HTR1F: variants seen among roughly 807,000 people sequenced by gnomAD.
HTR1F encodes the protein 5-hydroxytryptamine receptor 1F.
A neutral mutation model predicts 24.0 loss-of-function variants in HTR1F; 17 were observed. The ratio of observed to expected loss-of-function variants is 0.71; its 90% CI spans 0.48 to 1.06. The LOEUF is 1.06. Among genes scored for constraint, HTR1F ranks in the 50% least tolerant of loss-of-function variants. The probability of loss-of-function intolerance (pLI) is 0.00; values close to 1 mark genes in which losing one functional copy is unlikely to be tolerated. For missense variants in HTR1F, 391 were observed against 427.8 expected (o/e 0.91, Z 0.76); for synonymous variants, 186 against 156.8 (o/e 1.19, Z -1.39).
chr3:87,973,006 A>C (rs1705318066), intron 2 of HTR1F, among the ~76,000 whole-genome samples: 1 of 6,360 alleles, frequency 1.6e-4, no homozygotes, highest in South Asian at 0.016. Flanking sequence ...ACTAAAATAC[A>C]AAAAAAAAAA....
intron 1 of HTR1F, among the ~76,000 whole-genome samples, chr3:87,818,932 T>C (rs755083383): frequency 6.6e-6 from 1 of 152,188 alleles, no homozygotes; most frequent in Non-Finnish European, 1.5e-5. Context: ...TAGCACCTTA[T>C]TGCTGGTTTA....
At chr3:87,981,977 G>C (rs1195029535) in intron 2 of HTR1F, among the ~76,000 whole-genome samples, 1 of 151,534 alleles carries the variant, frequency 6.6e-6, no homozygotes, top group African/African-American at 2.4e-5. Flanking sequence ...CTGTCACCCA[G>C]GCTAGAGTTC....
At chr3:87,812,357 G>T (rs1281158900) in intron 1 of HTR1F, among the ~76,000 whole-genome samples, 2 of 152,166 alleles carry the variant, frequency 1.3e-5, no homozygotes, top group Non-Finnish European at 2.9e-5. Context: ...AGATGGAGAT[G>T]AGGAACTTCT....
intron 2 of HTR1F, among the ~76,000 whole-genome samples, chr3:87,833,179 CA>C (rs11311898): frequency 0.23 from 35,390 of 151,806 alleles, 6,203 homozygotes; most frequent in African/African-American, 0.5. Flanking sequence ...TTTCCACTGG[CA>C]GACTCTGCTT....
At chr3:87,836,389 C>T (rs1215941833) in intron 2 of HTR1F, among the ~76,000 whole-genome samples, 1 of 151,968 alleles carries the variant, frequency 6.6e-6, no homozygotes, top group Non-Finnish European at 1.5e-5. Flanking sequence ...ATAATGTGTC[C>T]TAGTAAACAA....
At chr3:87,829,992 T>C (rs1300200949) in intron 2 of HTR1F, among the ~76,000 whole-genome samples, 1 of 152,222 alleles carries the variant, frequency 6.6e-6, no homozygotes, top group Non-Finnish European at 1.5e-5. Context: ...GTGTGATGTA[T>C]ACAATAGTAT....
intron 2 of HTR1F, among the ~76,000 whole-genome samples, chr3:87,832,206 A>G (rs1343921261): frequency 6.6e-6 from 1 of 152,140 alleles, no homozygotes; most frequent in Non-Finnish European, 1.5e-5. Context: ...GGCAAAGAGA[A>G]TTTATAAAAG....
chr3:87,871,471 G>T (rs1230416062), intron 2 of HTR1F, among the ~76,000 whole-genome samples: 2 of 152,066 alleles, frequency 1.3e-5, no homozygotes, highest in Non-Finnish European at 2.9e-5. Context: ...AAGAGAAAGA[G>T]AAAGGGTACA....
chr3:87,979,109 G>T (rs13062190), intron 2 of HTR1F, among the ~76,000 whole-genome samples: 1 of 15,084 alleles, frequency 6.6e-5, no homozygotes, highest in African/African-American at 2.4e-4. Context: ...GGAAGGAAGG[G>T]AGGAAGGAAG....
intron 1 of HTR1F, among the ~76,000 whole-genome samples, chr3:87,810,771 A>G (rs1704146677): frequency 6.6e-6 from 1 of 152,162 alleles, no homozygotes; most frequent in Non-Finnish European, 1.5e-5. Flanking sequence ...TAGATGAGGA[A>G]CTACATGCAA....
intron 2 of HTR1F, among the ~76,000 whole-genome samples, chr3:87,967,065 G>A (rs550032593): frequency 2.6e-5 from 4 of 152,142 alleles, no homozygotes; most frequent in South Asian, 2.1e-4. Flanking sequence ...TGAAAATATT[G>A]TCTATCCTAA....
At chr3:87,985,997 G>A (rs1242159462) in intron 2 of HTR1F, among the ~76,000 whole-genome samples, 1 of 152,218 alleles carries the variant, frequency 6.6e-6, no homozygotes, top group African/African-American at 2.4e-5. Flanking sequence ...CAAGAAGGCT[G>A]TATATAACAC....
intron 2 of HTR1F, among the ~76,000 whole-genome samples, chr3:87,902,253 A>G (rs1706340242): frequency 6.6e-6 from 1 of 152,142 alleles, no homozygotes; most frequent in South Asian, 2.1e-4. Context: ...AGACCCTAAA[A>G]AGATACTCAC....
At chr3:87,891,279 A>T (rs1250583397) in intron 2 of HTR1F, among the ~76,000 whole-genome samples, 1 of 150,646 alleles carries the variant, frequency 6.6e-6, no homozygotes, top group Non-Finnish European at 1.5e-5. Flanking sequence ...AATACATATA[A>T]ATTGAGTGTT....
chr3:87,870,651 C>G (rs1244156126), intron 2 of HTR1F, among the ~76,000 whole-genome samples: 2 of 152,004 alleles, frequency 1.3e-5, no homozygotes, highest in Non-Finnish European at 2.9e-5. Context: ...TCTGTCTCAC[C>G]TGACTCAGAG....
At chr3:87,950,839 G>C (rs1202104030) in intron 2 of HTR1F, among the ~76,000 whole-genome samples, 2 of 152,144 alleles carry the variant, frequency 1.3e-5, no homozygotes, top group African/African-American at 2.4e-5. Flanking sequence ...TAAGAACACT[G>C]TCTGAATTAA....
rs1705524500 is a variant in HTR1F, at chr3:87,870,189, T to C, written c.-43+48065T>C. Among the ~76,000 whole-genome samples the C allele has an allele frequency of 2.0e-5, 3 of 152,066 alleles. No individual in the cohort carries two copies. In the South Asian group the frequency reaches 6.2e-4, roughly 31 times the overall value. ...GAGTTTTCTATAATTATTTTAGTAATAAAAGTGAGGTCTGTATTCCAAGTA... is the reference window on the plus strand; with the variant it reads ...GAGTTTTCTATAATTATTTTAGTAACAAAAGTGAGGTCTGTATTCCAAGTA... On this transcript the variant is annotated intron_variant, in intron 2 of 2. Transcript: ENST00000319595.
intron 2 of HTR1F, among the ~76,000 whole-genome samples, chr3:87,936,996 C>CA (rs1006334313): frequency 9.7e-4 from 139 of 143,982 alleles, no homozygotes; most frequent in African/African-American, 3.6e-3. Flanking sequence ...GCCTACCAAC[C>CA]AAAAAAATCC....
chr3:87,919,527 G>GA (rs775864198), intron 2 of HTR1F, among the ~76,000 whole-genome samples: 72 of 149,970 alleles, frequency 4.8e-4, no homozygotes, highest in Non-Finnish European at 7.6e-4. Context: ...AAATCAGCAA[G>GA]AAAAAAAAAT....
Sources: allele counts gnomAD v4.1 joint callset (sites outside exome capture counted in the v4.1 genomes callset), GRCh38; gene constraint gnomAD v4.1.1; transcripts MANE v1.5; gene names NCBI Gene and HGNC (gene_info 2026-07-23, HGNC 2026-07-21).